The following WDR70 variants were observed in gnomAD, a reference collection of about 807,000 sequenced individuals.
WDR70 encodes the protein WD repeat-containing protein 70.
WDR70 carries 53 observed loss-of-function variants against 88.6 expected under a neutral mutation model. The observed-to-expected ratio is 0.60, with a 90% CI of 0.48 to 0.75. The LOEUF (loss-of-function observed/expected upper bound fraction) is 0.75. Among genes scored for constraint, WDR70 ranks in the 30% least tolerant of loss-of-function variants. WDR70 has a pLI of 0.00. For missense variants in WDR70, 610 were observed against 823.2 expected, an observed-to-expected ratio of 0.74 and a Z score of 3.17; for synonymous variants, 280 against 270.0, an observed-to-expected ratio of 1.04 and a Z score of -0.36.
At chr5:37,528,407 C>G (rs36190855) in intron 9 of WDR70, among the ~76,000 whole-genome samples, 90,688 of 151,804 alleles carry the variant, frequency 0.6, 28,410 homozygotes, top group Non-Finnish European at 0.69. Flanking sequence ...CATGTTCTTA[C>G]TCATAGGTGG....
intron 7 of WDR70, among the ~76,000 whole-genome samples, chr5:37,448,323 C>G (rs1373398480): frequency 6.6e-6 from 1 of 152,056 alleles, no homozygotes; most frequent in Admixed American, 6.6e-5. Context: ...CATTCCTTTC[C>G]AAGTCCTGGA....
chr5:37,499,385 A>AT (rs1195486823), intron 8 of WDR70, among the ~76,000 whole-genome samples: 1 of 151,690 alleles, frequency 6.6e-6, no homozygotes, highest in South Asian at 2.1e-4. Flanking sequence ...AAGTGCTGGG[A>AT]TTACAGGTAT....
intron 7 of WDR70, among the ~76,000 whole-genome samples, chr5:37,450,620 T>C (rs757533218): frequency 1.3e-5 from 2 of 152,346 alleles, no homozygotes; most frequent in Non-Finnish European, 2.9e-5. Flanking sequence ...AATTTAAGAA[T>C]TGTTAATTGT....
intron 5 of WDR70, among the ~76,000 whole-genome samples, chr5:37,407,176 G>A (rs1370750195): frequency 6.6e-6 from 1 of 151,918 alleles, no homozygotes; most frequent in Non-Finnish European, 1.5e-5. Flanking sequence ...ATAAAGTTAG[G>A]GAGAGATGGG....
At chr5:37,493,801 G>C (rs928537237) in intron 8 of WDR70, among the ~76,000 whole-genome samples, 4 of 151,768 alleles carry the variant, frequency 2.6e-5, no homozygotes, top group African/African-American at 9.7e-5. Context: ...CAAAGAGCAG[G>C]AGTTAGCTTT....
chr5:37,499,334 G>A (rs957486868), intron 8 of WDR70, among the ~76,000 whole-genome samples: 12 of 151,636 alleles, frequency 7.9e-5, no homozygotes, highest in African/African-American at 1.2e-4. Context: ...GGCTGGTCTC[G>A]AACTCCTGAC....
At chr5:37,687,803 A>T in intron 10 of WDR70, 1 of 463,536 alleles carries the variant, frequency 2.2e-6, no homozygotes, top group Non-Finnish European at 3.9e-6. Context: ...CTGGAAGGCT[A>T]TATGTCTTTC....
At chr5:37,645,691 C>T (rs1745213499) in intron 10 of WDR70, among the ~76,000 whole-genome samples, 1 of 152,084 alleles carries the variant, frequency 6.6e-6, no homozygotes, top group Non-Finnish European at 1.5e-5. Context: ...GTTATATCCT[C>T]CTGCTGAATT....
chr5:37,658,173 G>A (rs1745608118), intron 10 of WDR70, among the ~76,000 whole-genome samples: 1 of 151,698 alleles, frequency 6.6e-6, no homozygotes, highest in Non-Finnish European at 1.5e-5. Flanking sequence ...AGTAGGTTGA[G>A]GAGGAGGAAG....
At chr5:37,381,814 G>T (rs746987297) in intron 3 of WDR70, 129 bp downstream of exon 3, 1 of 848,948 alleles carries the variant, frequency 1.2e-6, no homozygotes, top group East Asian at 4.3e-5. Context: ...AGCACTTAGG[G>T]AGGCCAAGGC....
At chr5:37,640,943 G>A (rs1031197444) in intron 10 of WDR70, among the ~76,000 whole-genome samples, 2 of 152,138 alleles carry the variant, frequency 1.3e-5, no homozygotes, top group African/African-American at 2.4e-5. Flanking sequence ...ATGTCTGTAG[G>A]TTACATCCTG....
chr5:37,394,678 T>C (rs1748954724), intron 4 of WDR70, among the ~76,000 whole-genome samples: 1 of 152,142 alleles, frequency 6.6e-6, no homozygotes, highest in African/African-American at 2.4e-5. Context: ...GAGGAGACAT[T>C]TGAGGAAACT....
chr5:37,602,837 C>T (rs746262463), intron 9 of WDR70, among the ~76,000 whole-genome samples: 3 of 151,816 alleles, frequency 2.0e-5, no homozygotes, highest in East Asian at 3.9e-4. Context: ...ATTAGCCAGG[C>T]GTGGTGGCAT....
intron 9 of WDR70, 69 bp downstream of exon 9, chr5:37,516,659 T>A: frequency 9.5e-7 from 1 of 1,048,544 alleles, no homozygotes. Context: ...TTTGGATTGT[T>A]ACAATCTTGG....
At chr5:37,694,556 T>A (rs1746921239) in intron 10 of WDR70, among the ~76,000 whole-genome samples, 1 of 152,136 alleles carries the variant, frequency 6.6e-6, no homozygotes, top group Admixed American at 6.5e-5. Context: ...GGGACATGGA[T>A]GAAGTTGGAA....
intron 7 of WDR70, among the ~76,000 whole-genome samples, chr5:37,451,602 T>A (rs1738677210): frequency 7.5e-6 from 1 of 133,980 alleles, no homozygotes. Context: ...CCACAATAGA[T>A]AACAAGGTAC....
chr5:37,666,066 G>T (rs1373350482), intron 10 of WDR70, among the ~76,000 whole-genome samples: 1 of 152,242 alleles, frequency 6.6e-6, no homozygotes, highest in African/African-American at 2.4e-5. Context: ...CTCTTTGAAG[G>T]TCGGCTGCCA....
chr5:37,468,252 C>T (rs1739223370), intron 7 of WDR70, among the ~76,000 whole-genome samples: 1 of 152,098 alleles, frequency 6.6e-6, no homozygotes, highest in Non-Finnish European at 1.5e-5. Context: ...TTCTTTCTCT[C>T]CAAGGACAGA....
intron 10 of WDR70, among the ~76,000 whole-genome samples, chr5:37,694,727 A>G (rs1746928065): frequency 6.6e-6 from 1 of 152,100 alleles, no homozygotes; most frequent in African/African-American, 2.4e-5. Context: ...GGATAGCATT[A>G]GGAGAAATAC....
Sources: gnomAD v4.1 joint callset for allele counts (sites outside exome capture counted in the v4.1 genomes callset) on GRCh38, gnomAD v4.1.1 for gene constraint, MANE v1.5 for transcripts, NCBI Gene and HGNC (gene_info 2026-07-23, HGNC 2026-07-21) for gene names.